The following EXOC4 variants were observed in gnomAD, a reference collection of about 807,000 sequenced individuals.
EXOC4 encodes the protein exocyst complex component 4.
A neutral mutation model predicts 107.2 loss-of-function variants in EXOC4; 71 were observed. That is an observed-to-expected ratio of 0.66 (90% CI 0.55 to 0.81). The LOEUF (loss-of-function observed/expected upper bound fraction) is 0.81, where lower values mean the gene tolerates loss of function less well. Among genes scored for constraint, EXOC4 ranks in the 30% least tolerant of loss-of-function variants. EXOC4 has a pLI of 0.00. For synonymous variants in EXOC4, 456 were observed against 441.2 expected, an observed-to-expected ratio of 1.03 and a Z score of -0.42; for missense variants, 1,108 against 1,189.6, an observed-to-expected ratio of 0.93 and a Z score of 1.01.
At chr7:133,355,687 A>G (rs1307706886) in intron 5 of EXOC4, among the ~76,000 whole-genome samples, 1 of 151,836 alleles carries the variant, frequency 6.6e-6, no homozygotes, top group Non-Finnish European at 1.5e-5. Context: ...CCTTTCATGG[A>G]TTATTAGCAA....
intron 10 of EXOC4, among the ~76,000 whole-genome samples, chr7:133,718,774 T>C (rs1795047713): frequency 6.6e-6 from 1 of 152,158 alleles, no homozygotes; most frequent in Admixed American, 6.5e-5. Flanking sequence ...AAACATTAGC[T>C]GAAAAGGAAG....
At chr7:133,316,169 T>TA (rs1446024247) in intron 4 of EXOC4, among the ~76,000 whole-genome samples, 1 of 152,248 alleles carries the variant, frequency 6.6e-6, no homozygotes, top group Non-Finnish European at 1.5e-5. Flanking sequence ...GGATTATAAA[T>TA]ACACACATAC....
chr7:134,093,693 A>C, the EXOC4 span, among the ~76,000 whole-genome samples: 1 of 152,196 alleles, frequency 6.6e-6, no homozygotes, highest in African/African-American at 2.4e-5. Context: ...AGTATCAATA[A>C]ATTTTTAAAA....
intron 2 of EXOC4, among the ~76,000 whole-genome samples, chr7:133,284,333 C>G (rs1380833028): frequency 6.6e-6 from 1 of 152,018 alleles, no homozygotes; most frequent in African/African-American, 2.4e-5. Flanking sequence ...TAACTGTTTC[C>G]ATAGTAACCG....
chr7:133,907,716 G>T (rs866643912), intron 12 of EXOC4, among the ~76,000 whole-genome samples: 2 of 152,236 alleles, frequency 1.3e-5, no homozygotes, highest in Middle Eastern at 3.4e-3. Flanking sequence ...GCAGGTTCCT[G>T]TAATCCCTTC....
chr7:133,459,016 T>C (rs928488779), intron 7 of EXOC4, among the ~76,000 whole-genome samples: 5 of 152,188 alleles, frequency 3.3e-5, no homozygotes, highest in Admixed American at 1.3e-4. Context: ...AATTAAGACC[T>C]TTTTGGAGTT....
intron 9 of EXOC4, among the ~76,000 whole-genome samples, chr7:133,609,589 T>G (rs1228571919): frequency 6.6e-6 from 1 of 152,194 alleles, no homozygotes; most frequent in African/African-American, 2.4e-5. Flanking sequence ...AAGTAAACAT[T>G]TATATGTGTA....
At chr7:133,801,996 G>T (rs776490954) in intron 10 of EXOC4, among the ~76,000 whole-genome samples, 3 of 152,172 alleles carry the variant, frequency 2.0e-5, no homozygotes, top group Non-Finnish European at 4.4e-5. Flanking sequence ...ATAAAACTTA[G>T]TTATAAAAAA....
At chr7:133,895,245 CT>C (rs900609142) in intron 11 of EXOC4, 1 of 177,620 alleles carries the variant, frequency 5.6e-6, no homozygotes, top group Non-Finnish European at 1.2e-5. Flanking sequence ...TCCCTGACCC[CT>C]TGAGCTTCCC....
intron 10 of EXOC4, among the ~76,000 whole-genome samples, chr7:133,666,651 T>C (rs991411208): frequency 2.0e-5 from 3 of 152,190 alleles, no homozygotes; most frequent in Non-Finnish European, 4.4e-5. Context: ...TGATAAAACA[T>C]TGAGACATGG....
At chr7:133,854,100 G>A (rs1001091173) in intron 11 of EXOC4, among the ~76,000 whole-genome samples, 1 of 152,152 alleles carries the variant, frequency 6.6e-6, no homozygotes, top group Non-Finnish European at 1.5e-5. Context: ...GGGCATCAGT[G>A]TGCACAGGGA....
At chr7:133,406,790 G>GT (rs1276717693) in intron 7 of EXOC4, among the ~76,000 whole-genome samples, 2 of 152,224 alleles carry the variant, frequency 1.3e-5, no homozygotes, top group Non-Finnish European at 2.9e-5. Context: ...AAAAATGAAT[G>GT]TAACTGTGGT....
intron 10 of EXOC4, among the ~76,000 whole-genome samples, chr7:133,755,908 G>A (rs1562984547): frequency 6.6e-6 from 1 of 152,094 alleles, no homozygotes; most frequent in Non-Finnish European, 1.5e-5. Context: ...CATCCTCCAT[G>A]ACTTAGCTTA....
intron 10 of EXOC4, among the ~76,000 whole-genome samples, chr7:133,653,558 T>A (rs1200582919): frequency 6.6e-6 from 1 of 152,262 alleles, no homozygotes; most frequent in Non-Finnish European, 1.5e-5. Context: ...CCCTCTCTAA[T>A]CTTTTTTTCT....
chr7:133,723,949 A>T (rs1795161186), intron 10 of EXOC4, among the ~76,000 whole-genome samples: 1 of 152,314 alleles, frequency 6.6e-6, no homozygotes, highest in South Asian at 2.1e-4. Flanking sequence ...GATCTACTAA[A>T]TAAATAGATT....
rs551537136 is a variant in EXOC4, at chr7:133,978,629, CA to C, written c.2207-18858del. Among the ~76,000 whole-genome samples, 210 of 152,270 alleles carry C rather than the reference CA, an allele frequency of 1.4e-3. 1 individual carries two copies. Among genetic ancestry groups the C allele is most frequent in the African/African-American group, 4.9e-3 (203 of 41,548 alleles). On this transcript the variant is annotated intron_variant, in intron 14 of 17. Coordinates refer to ENST00000253861, the MANE Select transcript of EXOC4 (RefSeq NM_021807.4). ...GGCTTAGACAGCCGTTGGAAGGATA[CA>C]AAAAGCAAGGAATCTAGCTGCTGCC...
intron 10 of EXOC4, among the ~76,000 whole-genome samples, chr7:133,696,400 T>C (rs1344922714): frequency 6.6e-6 from 1 of 152,214 alleles, no homozygotes; most frequent in African/African-American, 2.4e-5. Flanking sequence ...CTCACTCCCC[T>C]GACTCTCCTC....
intron 2 of EXOC4, among the ~76,000 whole-genome samples, chr7:133,281,457 C>CA (rs1296738978): frequency 2.0e-5 from 3 of 150,304 alleles, no homozygotes; most frequent in Non-Finnish European, 4.4e-5. Context: ...CTTTCGCCAA[C>CA]AAAATTCAAC....
At chr7:133,362,227 T>A (rs529328272) in intron 6 of EXOC4, among the ~76,000 whole-genome samples, 1 of 152,216 alleles carries the variant, frequency 6.6e-6, no homozygotes, top group Admixed American at 6.5e-5. Context: ...ACTTTTCTAG[T>A]ACTTATATAG....
Sources: allele counts gnomAD v4.1 joint callset (sites outside exome capture counted in the v4.1 genomes callset), GRCh38; gene constraint gnomAD v4.1.1; transcripts MANE v1.5; gene names NCBI Gene and HGNC (gene_info 2026-07-23, HGNC 2026-07-21).